CRYBB1: variants seen among roughly 807,000 people sequenced by gnomAD.
CRYBB1 encodes crystallin beta B1.
In CRYBB1, 16 loss-of-function variants were observed where a neutral mutation model predicts 29.5. The ratio of observed to expected loss-of-function variants is 0.54; its 90% CI spans 0.37 to 0.82. The LOEUF (loss-of-function observed/expected upper bound fraction) is 0.82. CRYBB1 is among the 40% of genes least tolerant of loss of function. The probability of loss-of-function intolerance (pLI) is 0.00; values close to 1 mark genes in which losing one functional copy is unlikely to be tolerated. For synonymous variants in CRYBB1, 127 were observed against 136.7 expected (o/e 0.93, Z 0.49); for missense variants, 300 against 350.5 (o/e 0.86, Z 1.15).
At chr22:26,612,946 C>T (rs572443703) in intron 2 of CRYBB1, among the ~76,000 whole-genome samples, 27 of 152,282 alleles carry the variant, frequency 1.8e-4, no homozygotes, top group African/African-American at 6.5e-4. Flanking sequence ...ACAACTAACC[C>T]ACCACACAGT....
At chr22:26,599,700 T>C in intron 5 of CRYBB1, 27 bp from the exon 6 acceptor site, 1 of 1,601,764 alleles carries the variant, frequency 6.2e-7, no homozygotes, top group Non-Finnish European at 8.6e-7. Flanking sequence ...AAGGACAGAG[T>C]GGAGACAGCC....
At chr22:26,612,280 A>G (rs1022877301) in intron 2 of CRYBB1, 90 bp from the exon 3 acceptor site, 86 of 827,780 alleles carry the variant, frequency 1.0e-4, no homozygotes, top group Admixed American at 1.9e-4. Context: ...CCAGCAGTGC[A>G]GGAGTCACAT....
chr22:26,603,353 A>T (rs1357179279), intron 4 of CRYBB1, among the ~76,000 whole-genome samples: 1 of 151,680 alleles, frequency 6.6e-6, no homozygotes, highest in African/African-American at 2.4e-5. Context: ...AACATGGTGA[A>T]ACCCCATCTC....
chr22:26,611,675 C>T (rs1156306874), intron 3 of CRYBB1, among the ~76,000 whole-genome samples: 2 of 151,972 alleles, frequency 1.3e-5, no homozygotes, highest in Non-Finnish European at 2.9e-5. Flanking sequence ...GGGGTTTCAC[C>T]TTGTTAGCCA....
At chr22:26,607,743 C>T (rs1929026534) in intron 4 of CRYBB1, 146 bp downstream of exon 4, 1 of 1,077,190 alleles carries the variant, frequency 9.3e-7, no homozygotes, top group African/African-American at 1.5e-5. Context: ...TTGATGAGCT[C>T]AAGAATCCAC....
At chr22:26,611,454 G>GTTTGT (rs1929155954) in intron 3 of CRYBB1, among the ~76,000 whole-genome samples, 1 of 142,776 alleles carries the variant, frequency 7.0e-6, no homozygotes, top group African/African-American at 2.5e-5. Flanking sequence ...GCTAGAGTTT[G>GTTTGT]TTTTTTTTTT....
chr22:26,601,387 C>T (rs1168030558), intron 5 of CRYBB1, among the ~76,000 whole-genome samples: 1 of 152,084 alleles, frequency 6.6e-6, no homozygotes, highest in African/African-American at 2.4e-5. Flanking sequence ...CATTGCCTAG[C>T]TGGCAAGACT....
In CRYBB1 at chr22:26,616,153, G is replaced by A. The variant is rs753900563; in HGVS notation, c.167C>T (p.Pro56Leu). ...ITSAKAAELPPGNYRLVVFEL... is the reference protein window; with the variant it reads ...ITSAKAAELPLGNYRLVVFEL... ...CCAGGTCCTTACCCTGTAGTTCCCAGGAGGCAGTTCCGCCGCCTTGGCGCT... is the reference window on the plus strand; with the variant it reads ...CCAGGTCCTTACCCTGTAGTTCCCAAGAGGCAGTTCCGCCGCCTTGGCGCT... Residue 56 changes from proline to leucine, a missense_variant, in exon 2 of 6, where the codon CCT (proline) becomes CTT (leucine). By Grantham distance (98) the Pro-to-Leu change is moderately conservative. Transcript: ENST00000647684. 6.2e-7 allele frequency: 1 copy of A among 1,614,168 alleles called. No individual in the cohort carries two copies. Among genetic ancestry groups the A allele is most frequent in the South Asian group, 1.1e-5 (1 of 91,086 alleles).
At chr22:26,607,721 G>A (rs1929025517) in intron 4 of CRYBB1, among the ~76,000 whole-genome samples, 168 bp downstream of exon 4, 1 of 152,142 alleles carries the variant, frequency 6.6e-6, no homozygotes, top group East Asian at 1.9e-4. Flanking sequence ...GTGTGTTAAG[G>A]ACACTGATGA....
chr22:26,614,057 C>A (rs1354828268), intron 2 of CRYBB1, among the ~76,000 whole-genome samples: 1 of 152,126 alleles, frequency 6.6e-6, no homozygotes, highest in Non-Finnish European at 1.5e-5. Flanking sequence ...TAAATTTTGG[C>A]CAGACCGGTT....
At chr22:26,603,929 A>G (rs766200956) in intron 4 of CRYBB1, among the ~76,000 whole-genome samples, 1 of 146,760 alleles carries the variant, frequency 6.8e-6, no homozygotes, top group Non-Finnish European at 1.5e-5. Flanking sequence ...GTCTCAAAAA[A>G]CAAACAAACA....
intron 5 of CRYBB1, among the ~76,000 whole-genome samples, 171 bp from the exon 6 acceptor site, chr22:26,599,844 C>G (rs1483648231): frequency 6.6e-6 from 1 of 152,248 alleles, no homozygotes; most frequent in Non-Finnish European, 1.5e-5. Context: ...GACTTTGCCT[C>G]TCTGATAGGC....
At chr22:26,611,359 AT>A (rs1929150886) in intron 3 of CRYBB1, among the ~76,000 whole-genome samples, 1 of 151,794 alleles carries the variant, frequency 6.6e-6, no homozygotes, top group East Asian at 1.9e-4. Flanking sequence ...GATGCTTATC[AT>A]TACTCCCAGG....
At position 26,607,918 on chromosome 22, in the gene CRYBB1, G is replaced by T. The variant is rs374594114; in HGVS notation, c.403C>A (p.Arg135=). 2 of 1,614,198 alleles carry T rather than the reference G, an allele frequency of 1.2e-6. No individual in the cohort carries two copies. Among genetic ancestry groups the T allele is most frequent in the South Asian group, 1.1e-5 (1 of 91,086 alleles). The change falls in exon 4 of 6, where the codon CGG becomes AGG. Residue 135 remains arginine (R), a synonymous_variant. Transcript: ENST00000647684. ...TTGATGGGCCGGAAGGACATGAGCC[G>T]ATCACTGCGGTAGCTGCTCGACCAT... ...NTWSSSYRSD[R]LMSFRPIKMD...
chr22:26,617,041 A>G (rs955364194), intron 1 of CRYBB1, among the ~76,000 whole-genome samples: 3 of 152,238 alleles, frequency 2.0e-5, no homozygotes, highest in African/African-American at 7.2e-5. Context: ...GCATGCTCCC[A>G]GCTCCTTTCC....
intron 4 of CRYBB1, among the ~76,000 whole-genome samples, chr22:26,602,497 A>T (rs1928851311): frequency 6.6e-6 from 1 of 151,964 alleles, no homozygotes; most frequent in Admixed American, 6.6e-5. Flanking sequence ...AGGCTGAGGC[A>T]GGAGGATTGC....
In CRYBB1 at chr22:26,611,632, G is replaced by A. The variant is rs373418464; in HGVS notation, c.299+440C>T. Among the ~76,000 whole-genome samples, 293 of 152,006 alleles carry A rather than the reference G, an allele frequency of 1.9e-3. 1 individual carries two copies. The highest frequency in any genetic ancestry group is 6.7e-3 in the African/African-American group (277 of 41,490). ...TGGGACTACAGGCGCCCGCCACCAC[G>A]CCCGGCTAATTTTTTGTATTTTTAG... On this transcript the variant is annotated intron_variant, in intron 3 of 5. Transcript: ENST00000647684.
chr22:26,605,994 T>C (rs921609105), intron 4 of CRYBB1, among the ~76,000 whole-genome samples: 7 of 152,320 alleles, frequency 4.6e-5, no homozygotes, highest in Admixed American at 3.9e-4. Flanking sequence ...TTGTGAACTT[T>C]CTTAAAACAT....
In CRYBB1 at chr22:26,616,044, A is replaced by G; in HGVS notation, c.180+96T>C. ...GAGGAGAAAGAGGTGCGGAGGAGTA[A>G]GAGGTGAAAGAGGAAGAGGAGGAGG... On this transcript the variant is annotated intron_variant, in intron 2 of 5. Coordinates refer to ENST00000647684, the MANE Select transcript of CRYBB1 (RefSeq NM_001887.4). 6.3e-6 allele frequency: 6 copies of G among 949,552 alleles called. No individual in the cohort carries two copies. The South Asian group carries it at 7.8e-5, about 12-fold the overall frequency. 58.8% of individuals were successfully genotyped at this position (949,552 alleles called of 1,614,324 possible).
Sources: gnomAD v4.1 joint callset for allele counts (sites outside exome capture counted in the v4.1 genomes callset) on GRCh38, gnomAD v4.1.1 for gene constraint, MANE v1.5 for transcripts, NCBI Gene and HGNC (gene_info 2026-07-23, HGNC 2026-07-21) for gene names.